The following ABCB1 variants were observed in gnomAD, a reference collection of about 807,000 sequenced individuals.
The protein encoded by ABCB1 is ATP-dependent translocase ABCB1.
Under a neutral mutation model 142.0 loss-of-function variants are expected in ABCB1, and 69 were observed. The observed-to-expected ratio is 0.49, with a 90% CI of 0.40 to 0.59. The LOEUF is 0.59. Ranked by LOEUF, ABCB1 falls within the 20% of genes least tolerant of loss-of-function variation. The probability of loss-of-function intolerance (pLI) is 0.00; values close to 1 mark genes in which losing one functional copy is unlikely to be tolerated. For missense variants in ABCB1, 1,326 were observed against 1,554.7 expected (o/e 0.85, Z 2.47); for synonymous variants, 532 against 539.2 (o/e 0.99, Z 0.18).
At chr7:87,516,723 T>A (rs1815265707) in intron 23 of ABCB1, 58 bp from the exon 24 acceptor site, 1 of 1,253,420 alleles carries the variant, frequency 8.0e-7, no homozygotes. Context: ...GCTAGAAAGC[T>A]GACACTCCTT....
At chr7:87,691,596 C>G (rs1235488253) in intron 1 of ABCB1, among the ~76,000 whole-genome samples, 1 of 152,168 alleles carries the variant, frequency 6.6e-6, no homozygotes, top group African/African-American at 2.4e-5. Context: ...CCCTGGGCCA[C>G]TTTGAAATAA....
At chr7:87,653,182 A>G (rs1823752154) in intron 1 of ABCB1, among the ~76,000 whole-genome samples, 1 of 152,086 alleles carries the variant, frequency 6.6e-6, no homozygotes, top group African/African-American at 2.4e-5. Flanking sequence ...ATTAATAACA[A>G]TATTAGAATT....
rs137945247 is a variant in ABCB1 at position 87,588,886 on chromosome 7, C to T, written c.118-3206G>A. Among the ~76,000 whole-genome samples the T allele has an allele frequency of 3.5e-3, 530 of 152,306 alleles. 8 individuals are homozygous for T. The East Asian group carries it at 0.053, about 15-fold the overall frequency. On this transcript the variant is annotated intron_variant, in intron 3 of 27. Transcript: ENST00000622132. ...GGTTTCTCACAGTGGTTTTGATTTG[C>T]ATTTCTCTAATGATCAGTGATGTTG...
chr7:87,569,267 A>C (rs1817929997), intron 5 of ABCB1, among the ~76,000 whole-genome samples: 1 of 150,360 alleles, frequency 6.7e-6, no homozygotes, highest in African/African-American at 2.5e-5. Flanking sequence ...CAGGAATCGA[A>C]GGTCGCAGTG....
At chr7:87,692,853 G>A (rs1366350424) in intron 1 of ABCB1, among the ~76,000 whole-genome samples, 1 of 152,178 alleles carries the variant, frequency 6.6e-6, no homozygotes, top group Non-Finnish European at 1.5e-5. Flanking sequence ...GTCGTACCAA[G>A]TTATAGATCC....
At chr7:87,601,780 A>T (rs1341342908), upstream of ABCB1, among the ~76,000 whole-genome samples, 1 of 152,224 alleles carries the variant, frequency 6.6e-6, no homozygotes, top group East Asian at 1.9e-4. Context: ...TCTACATTCT[A>T]TGACTTTCAC....
chr7:87,691,960 G>A (rs1196205407), intron 1 of ABCB1, among the ~76,000 whole-genome samples: 1 of 152,102 alleles, frequency 6.6e-6, no homozygotes, highest in Non-Finnish European at 1.5e-5. Flanking sequence ...GGAATATAGT[G>A]GATTGTTGTT....
At chr7:87,602,343 C>T (rs1819495259), upstream of ABCB1, among the ~76,000 whole-genome samples, 3 of 125,966 alleles carry the variant, frequency 2.4e-5, no homozygotes, top group South Asian at 8.4e-4. Flanking sequence ...AGGCTTCTAA[C>T]AGGCCACTAT....
chr7:87,653,775 T>G (rs1400406228), intron 1 of ABCB1, among the ~76,000 whole-genome samples: 1 of 152,036 alleles, frequency 6.6e-6, no homozygotes, highest in East Asian at 1.9e-4. Flanking sequence ...TTCTTTAATC[T>G]TCTGGAACCA....
intron 21 of ABCB1, among the ~76,000 whole-genome samples, chr7:87,527,110 C>A (rs1054652450): frequency 6.6e-6 from 1 of 152,054 alleles, no homozygotes; most frequent in African/African-American, 2.4e-5. Context: ...TCTTGATTGG[C>A]AGAAGCTCCT....
intron 1 of ABCB1, among the ~76,000 whole-genome samples, chr7:87,617,666 C>T (rs548740782): frequency 3.9e-5 from 6 of 152,278 alleles, no homozygotes; most frequent in African/African-American, 1.4e-4. Flanking sequence ...ATCTTGCATT[C>T]GGAGTGCTGT....
intron 1 of ABCB1, among the ~76,000 whole-genome samples, chr7:87,703,539 G>A (rs1042907537): frequency 6.6e-6 from 1 of 151,946 alleles, no homozygotes; most frequent in East Asian, 1.9e-4. Flanking sequence ...TTCAACCAAG[G>A]GGTTGTAGCA....
At chr7:87,661,799 T>C (rs1467107596) in intron 1 of ABCB1, among the ~76,000 whole-genome samples, 1 of 151,966 alleles carries the variant, frequency 6.6e-6, no homozygotes, top group African/African-American at 2.4e-5. Context: ...TATGGTAGTT[T>C]AATTTTAAGT....
chr7:87,574,773 C>T lies in ABCB1; in HGVS notation c.287-4550G>A, dbSNP rs76351316. Among the ~76,000 whole-genome samples, 417 of 152,236 alleles carry T rather than the reference C, an allele frequency of 2.7e-3. 1 individual carries two copies. Among genetic ancestry groups the T allele is most frequent in the African/African-American group, 9.6e-3 (400 of 41,550 alleles). ...AGTGACTCATCTTGCAATAGAACTC[C>T]GTAGTAATTGACAGATGATTCAACT... is the stretch of plus-strand genomic sequence containing the variant. On this transcript the variant is annotated intron_variant, in intron 4 of 27. Transcript: ENST00000622132.
intron 1 of ABCB1, among the ~76,000 whole-genome samples, chr7:87,662,488 A>G (rs1278911428): frequency 6.6e-6 from 1 of 152,188 alleles, no homozygotes; most frequent in Admixed American, 6.6e-5. Context: ...CAGTTTTCCC[A>G]GCACCATTTA....
In ABCB1 at chr7:87,656,879, A is replaced by T. The variant is rs184425929; in HGVS notation, c.-330-55801T>A. 1.5e-3 allele frequency among the ~76,000 whole-genome samples: 227 copies of T among 152,290 alleles called. 1 individual carries two copies. Among genetic ancestry groups the T allele is most frequent in the Middle Eastern group, 0.01 (3 of 294 alleles). ...TATAAATGCATTTTTTCATTTATTT[A>T]TTCAATTGTATTTATTGAGTATCTA... On this transcript the variant is annotated intron_variant, in intron 1 of 28. Coordinates refer to the ABCB1 transcript ENST00000265724.
chr7:87,587,420 C>T (rs1344839874), intron 3 of ABCB1, among the ~76,000 whole-genome samples: 3 of 152,140 alleles, frequency 2.0e-5, no homozygotes, highest in Admixed American at 6.5e-5. Context: ...ACCCTGCCTT[C>T]AGAGAGGTTA....
At chr7:87,576,926 C>A (rs1440024481) in intron 4 of ABCB1, among the ~76,000 whole-genome samples, 1 of 151,974 alleles carries the variant, frequency 6.6e-6, no homozygotes. Flanking sequence ...TCCAGTTATA[C>A]CCTTTTAGTT....
At chr7:87,617,788 A>G (rs1179371169) in intron 1 of ABCB1, among the ~76,000 whole-genome samples, 2 of 152,170 alleles carry the variant, frequency 1.3e-5, no homozygotes, top group African/African-American at 2.4e-5. Flanking sequence ...TTTGGTTTCA[A>G]ACTGTTCCAA....
Sources: allele counts gnomAD v4.1 joint callset (sites outside exome capture counted in the v4.1 genomes callset), GRCh38; gene constraint gnomAD v4.1.1; transcripts MANE v1.5; gene names NCBI Gene and HGNC (gene_info 2026-07-23, HGNC 2026-07-21).